WTAP: variants seen among roughly 807,000 people sequenced by gnomAD.
WTAP encodes pre-mRNA-splicing regulator WTAP.
WTAP carries 8 observed loss-of-function variants against 50.0 expected under a neutral mutation model. The observed-to-expected ratio is 0.16, with a 90% CI of 0.09 to 0.29. The LOEUF is 0.29. WTAP is among the 10% of genes least tolerant of loss of function. WTAP has a pLI of 1.00. For missense variants in WTAP, 295 were observed against 470.7 expected (o/e 0.63, Z 3.45); for synonymous variants, 194 against 169.0 (o/e 1.15, Z -1.15).
chr6:159,751,557 A>G (rs1170294490), intron 6 of WTAP, among the ~76,000 whole-genome samples: 4 of 152,196 alleles, frequency 2.6e-5, no homozygotes, highest in Non-Finnish European at 4.4e-5. Flanking sequence ...GAGAGTGCTG[A>G]TGGGAAATGG....
rs1269969037 is a variant in WTAP, at chr6:159,727,671, C to T, written c.-41C>T. 4 of 984,870 alleles carry T rather than the reference C, an allele frequency of 4.1e-6. No homozygotes were observed. Among genetic ancestry groups the T allele is most frequent in the South Asian group, 9.4e-5 (2 of 21,340 alleles). 61.0% of individuals were successfully genotyped at this position (984,870 alleles called of 1,614,324 possible). A position where few individuals can be genotyped will look rare whatever the true frequency, so the allele number is the denominator to read the frequency against. On this transcript the variant is annotated 5_prime_UTR_variant, in exon 1 of 8. Transcript: ENST00000621533. ...AGCAGCGCGGCCTCGGCCTATGCGA[C>T]CGGTGGCGCCGGCGCGGCTTCTGCC...
chr6:159,751,484 T>C (rs775900989), intron 6 of WTAP, among the ~76,000 whole-genome samples: 5 of 152,242 alleles, frequency 3.3e-5, no homozygotes, highest in Non-Finnish European at 7.3e-5. Flanking sequence ...TTGACAATCT[T>C]GCATATCTCT....
intron 6 of WTAP, 43 bp from the exon 7 acceptor site, chr6:159,753,417 A>G (rs751862350): frequency 6.2e-7 from 1 of 1,613,442 alleles, no homozygotes; most frequent in Non-Finnish European, 8.5e-7. Context: ...AAAGACAGAG[A>G]GTTTTGTCTT....
chr6:159,755,262 G>A lies in WTAP; in HGVS notation c.842G>A (p.Ser281Asn). 1 of 1,614,206 alleles carries A rather than the reference G, an allele frequency of 6.2e-7. No homozygotes were observed. The highest frequency in any genetic ancestry group is 8.5e-7 in the Non-Finnish European group (1 of 1,180,028). The change falls in exon 8 of 8, where the codon AGC becomes AAC. Residue 281 changes from serine to asparagine, a missense_variant. Ser to Asn is a conservative substitution (Grantham distance 46). This residue lies in a region of WTAP where 175 missense variants were observed against 183.1 expected (regional missense o/e 0.96). Transcript: ENST00000621533. The part of the protein sequence containing the change: ...SRLTNGPSNG[S>N]SSRQRTSGSG... ...CTGACAAACGGACCAAGTAATGGTA[G>A]CTCCTCCCGCCAGAGGACGTCTGGG...
intron 1 of WTAP, among the ~76,000 whole-genome samples, chr6:159,734,996 C>T (rs1778818936): frequency 6.6e-6 from 1 of 152,102 alleles, no homozygotes; most frequent in Admixed American, 6.5e-5. Context: ...GTGTTCCCTA[C>T]TTGAATTCAT....
upstream of WTAP, chr6:159,727,139 G>A: frequency 8.4e-7 from 1 of 1,193,982 alleles, no homozygotes; most frequent in Non-Finnish European, 1.1e-6. Flanking sequence ...TGAGCTTGCT[G>A]AGCTCCGGGG....
intron 6 of WTAP, among the ~76,000 whole-genome samples, chr6:159,751,202 A>G (rs1005275031): frequency 1.3e-5 from 2 of 152,242 alleles, no homozygotes; most frequent in African/African-American, 2.4e-5. Flanking sequence ...ACTAATCACT[A>G]GTTTTAAACG....
chr6:159,739,133 G>T, intron 3 of WTAP, 88 bp downstream of exon 3: 1 of 1,078,644 alleles, frequency 9.3e-7, no homozygotes. Flanking sequence ...GCCAGATATT[G>T]TTTTTAATGT....
chr6:159,743,584 C>T (rs769617179), intron 4 of WTAP, 81 bp from the exon 5 acceptor site: 18 of 1,331,052 alleles, frequency 1.4e-5, no homozygotes, highest in Non-Finnish European at 1.8e-5. Flanking sequence ...AATTTTTTGA[C>T]CCTAGTTCTT....
chr6:159,727,749 G>A lies in WTAP; in HGVS notation c.-9+46G>A, dbSNP rs1009295710. The A allele has an allele frequency of 3.2e-4, 319 of 983,760 alleles. 1 individual carries two copies. The highest frequency in any genetic ancestry group is 5.2e-4 in the Middle Eastern group (1 of 1,910). 60.9% of individuals were successfully genotyped at this position (983,760 alleles called of 1,614,324 possible). ...GGGAGCGGACGCGGGGGACCTCCGG[G>A]GCCTGAGGGCTGATGCGCAGCCGCC... is the stretch of plus-strand genomic sequence containing the variant. On this transcript the variant is annotated intron_variant, in intron 1 of 7. Coordinates refer to ENST00000621533, the MANE Select transcript of WTAP (RefSeq NM_001270531.2).
chr6:159,733,847 C>T (rs953686492), intron 1 of WTAP, among the ~76,000 whole-genome samples: 3 of 151,998 alleles, frequency 2.0e-5, no homozygotes, highest in Non-Finnish European at 2.9e-5. Context: ...ACCCAGGAGG[C>T]GGAGGTTGCG....
At chr6:159,730,467 A>G (rs770179734) in intron 1 of WTAP, among the ~76,000 whole-genome samples, 10 of 152,202 alleles carry the variant, frequency 6.6e-5, no homozygotes, top group Non-Finnish European at 1.3e-4. Flanking sequence ...GCCCTGGGGA[A>G]TACCAAACTT....
intron 3 of WTAP, chr6:159,741,447 G>A (rs1779249896): frequency 6.6e-6 from 1 of 152,042 alleles, no homozygotes; most frequent in South Asian, 2.1e-4. Flanking sequence ...TACATAATGA[G>A]GCACATTTCT....
intron 3 of WTAP, among the ~76,000 whole-genome samples, chr6:159,740,867 A>T (rs1282346273): frequency 1.3e-5 from 2 of 151,688 alleles, no homozygotes; most frequent in African/African-American, 4.8e-5. Context: ...ATGCCCTGCT[A>T]ATTTTTTTGT....
At chr6:159,730,002 C>T (rs1778469575) in intron 1 of WTAP, among the ~76,000 whole-genome samples, 1 of 152,058 alleles carries the variant, frequency 6.6e-6, no homozygotes, top group Non-Finnish European at 1.5e-5. Flanking sequence ...AGATGGTGGT[C>T]CTGATTTTCT....
At chr6:159,744,957 A>G (rs186208468) in intron 5 of WTAP, among the ~76,000 whole-genome samples, 91 of 152,340 alleles carry the variant, frequency 6.0e-4, no homozygotes, top group Admixed American at 3.3e-4. Flanking sequence ...TTGGGATTAT[A>G]GGTGTGAGCC....
chr6:159,734,349 C>G (rs1025794640), intron 1 of WTAP, among the ~76,000 whole-genome samples: 2 of 148,472 alleles, frequency 1.3e-5, no homozygotes, highest in Non-Finnish European at 3.0e-5. Flanking sequence ...AGCACTCCAG[C>G]CTGGCAACAG....
Position 159,748,106 on chromosome 6 carries a change from A to G in WTAP, c.274-85A>G, listed in dbSNP as rs960952159. 4 of 1,488,492 alleles carry G rather than the reference A, an allele frequency of 2.7e-6. No homozygotes were observed. The African/African-American group carries it at 5.6e-5, about 21-fold the overall frequency. The allele number at this position is 1,488,492 out of a possible 1,614,324, so 92.2% of individuals were successfully genotyped here. A position where few individuals can be genotyped will look rare whatever the true frequency, so the allele number is the denominator to read the frequency against. On this transcript the variant is annotated intron_variant, in intron 5 of 7. Coordinates refer to ENST00000621533, the MANE Select transcript of WTAP (RefSeq NM_001270531.2). This position sits in a 1 kb window ranked among gnomAD's most constrained non-coding sequence, Gnocchi z 5.6. Reference sequence around the variant, plus strand: ...AGGAGCTTAATGAAAGAGTTGGTAAATCAAGTGAATGGAGGGAGTTTTCCC... The same window carrying G: ...AGGAGCTTAATGAAAGAGTTGGTAAGTCAAGTGAATGGAGGGAGTTTTCCC...
intron 1 of WTAP, chr6:159,730,934 A>G (rs1290879876): frequency 6.6e-6 from 1 of 152,206 alleles, no homozygotes; most frequent in Admixed American, 6.5e-5. Context: ...GTTGGAGACC[A>G]GCCTGGCCAA....
Sources: gnomAD v4.1 joint callset for allele counts (sites outside exome capture counted in the v4.1 genomes callset) on GRCh38, gnomAD v4.1.1 for gene constraint, gnomAD v4.1.1 regional missense constraint, Gnocchi (gnomAD v3.1) non-coding constraint, MANE v1.5 for transcripts, NCBI Gene and HGNC (gene_info 2026-07-23, HGNC 2026-07-21) for gene names.